Variants in THRB observed in about 807,000 individuals in gnomAD.
THRB encodes the protein thyroid hormone receptor beta, also known as nuclear receptor subfamily 1 group A member 2.
THRB carries 12 observed loss-of-function variants against 47.8 expected under a neutral mutation model. That is an observed-to-expected ratio of 0.25 (90% CI 0.16 to 0.41). The LOEUF (loss-of-function observed/expected upper bound fraction) is 0.41. Ranked by LOEUF, THRB falls within the 10% of genes least tolerant of loss-of-function variation. THRB has a pLI of 1.00. For missense variants in THRB, 348 were observed against 589.2 expected, an observed-to-expected ratio of 0.59 and a Z score of 4.24; for synonymous variants, 218 against 212.2, an observed-to-expected ratio of 1.03 and a Z score of -0.24.
chr3:24,236,067 C>G (rs1238532148), intron 3 of THRB, among the ~76,000 whole-genome samples: 1 of 152,126 alleles, frequency 6.6e-6, no homozygotes, highest in Non-Finnish European at 1.5e-5. Context: ...GGGCTGCACC[C>G]ATGCTAGGAG....
At chr3:24,352,826 G>C (rs2063437413) in intron 1 of THRB, among the ~76,000 whole-genome samples, 1 of 152,118 alleles carries the variant, frequency 6.6e-6, no homozygotes, top group Non-Finnish European at 1.5e-5. Context: ...ACTGGCTAGT[G>C]AAATTAAGAA....
chr3:24,185,169 G>A (rs2042410398), intron 5 of THRB, among the ~76,000 whole-genome samples: 1 of 152,076 alleles, frequency 6.6e-6, no homozygotes, highest in African/African-American at 2.4e-5. Context: ...TTGAGGACTG[G>A]TTTAATAAAG....
chr3:24,330,987 C>A (rs2061888262), intron 2 of THRB, among the ~76,000 whole-genome samples: 1 of 151,860 alleles, frequency 6.6e-6, no homozygotes, highest in African/African-American at 2.4e-5. Context: ...GGGATGTGTG[C>A]ACCTGCCAGT....
At chr3:24,324,213 A>G (rs1269039341) in intron 2 of THRB, among the ~76,000 whole-genome samples, 1 of 152,118 alleles carries the variant, frequency 6.6e-6, no homozygotes, top group Non-Finnish European at 1.5e-5. Context: ...GAGGTCATAG[A>G]AAGAAGTCAC....
At chr3:24,469,654 C>G (rs1403664472) in intron 1 of THRB, among the ~76,000 whole-genome samples, 1 of 152,172 alleles carries the variant, frequency 6.6e-6, no homozygotes, top group African/African-American at 2.4e-5. Flanking sequence ...AATCAAGCTA[C>G]ACTACAATGA....
At chr3:24,343,187 C>G (rs1267018654) in intron 1 of THRB, among the ~76,000 whole-genome samples, 3 of 151,686 alleles carry the variant, frequency 2.0e-5, no homozygotes, top group Non-Finnish European at 4.4e-5. Flanking sequence ...ATTCACAACC[C>G]TCCTTAAGTA....
rs186805900 is a variant in THRB, at chr3:24,178,074, T to G, written c.283+12000A>C. 1.4e-4 allele frequency among the ~76,000 whole-genome samples: 21 copies of G among 152,250 alleles called. No homozygotes were observed. In the East Asian group the frequency reaches 4.1e-3, roughly 29 times the overall value. ...CACAGGGGACAGAGAAACAAGTAAC[T>G]TTTTCTTCTGACATTCACCTTTAGA... On this transcript the variant is annotated intron_variant, in intron 5 of 10. Transcript: ENST00000646209.
intron 3 of THRB, among the ~76,000 whole-genome samples, chr3:24,272,575 T>G (rs844104): frequency 0.5 from 76,148 of 151,942 alleles, 19,619 homozygotes; most frequent in Middle Eastern, 0.6. Flanking sequence ...TTACCCTTAT[T>G]TGGGGGTACA....
intron 3 of THRB, among the ~76,000 whole-genome samples, chr3:24,234,070 A>T (rs2048621184): frequency 6.6e-6 from 1 of 152,198 alleles, no homozygotes; most frequent in Non-Finnish European, 1.5e-5. Context: ...ACAAGCTAAA[A>T]TCCTGCTGCA....
chr3:24,226,730 T>A (rs1469170251), intron 4 of THRB, among the ~76,000 whole-genome samples: 1 of 152,198 alleles, frequency 6.6e-6, no homozygotes, highest in Non-Finnish European at 1.5e-5. Context: ...AGAAGAGAAC[T>A]GCCTGGACCA....
At chr3:24,315,591 T>C (rs7610039) in intron 2 of THRB, among the ~76,000 whole-genome samples, 89,622 of 151,960 alleles carry the variant, frequency 0.59, 26,980 homozygotes, top group African/African-American at 0.69. Context: ...GAGCCAGTAT[T>C]GCAGCAGGAA....
intron 5 of THRB, among the ~76,000 whole-genome samples, chr3:24,187,485 C>T (rs1446003579): frequency 6.6e-6 from 1 of 152,122 alleles, no homozygotes; most frequent in Non-Finnish European, 1.5e-5. Flanking sequence ...CTATTTTGTT[C>T]GTATCATTTC....
chr3:24,231,970 A>G (rs7625900), intron 3 of THRB, among the ~76,000 whole-genome samples: 89,125 of 152,070 alleles, frequency 0.59, 26,589 homozygotes, highest in African/African-American at 0.68. Flanking sequence ...GGAGTTGTTG[A>G]GTTAGAAAGG....
chr3:24,165,273 C>T (rs547376124), intron 5 of THRB: 3 of 765,092 alleles, frequency 3.9e-6, no homozygotes, highest in African/African-American at 1.7e-5. Context: ...TCAAAATACG[C>T]GTAATAATCA....
intron 1 of THRB, among the ~76,000 whole-genome samples, chr3:24,442,307 G>A (rs2071608063): frequency 6.6e-6 from 1 of 152,196 alleles, no homozygotes; most frequent in African/African-American, 2.4e-5. Flanking sequence ...ACAATCGGAT[G>A]AGGAAACCAC....
At chr3:24,342,084 A>G (rs13085323) in intron 1 of THRB, among the ~76,000 whole-genome samples, 9 of 151,262 alleles carry the variant, frequency 5.9e-5, no homozygotes, top group Non-Finnish European at 1.2e-4. Flanking sequence ...ATTTGTTACT[A>G]TCCCTGGTAA....
At chr3:24,271,261 C>T (rs568028470) in intron 3 of THRB, among the ~76,000 whole-genome samples, 5 of 152,100 alleles carry the variant, frequency 3.3e-5, no homozygotes, top group Admixed American at 6.6e-5. Context: ...TGTATGCATG[C>T]GGCTTATGAA....
At chr3:24,142,069 G>T (rs1034461267) in intron 8 of THRB, among the ~76,000 whole-genome samples, 5 of 152,208 alleles carry the variant, frequency 3.3e-5, no homozygotes, top group African/African-American at 1.2e-4. Flanking sequence ...GAGGCTTTTT[G>T]GGTTTGTGCA....
chr3:24,387,393 C>A lies in THRB; in HGVS notation c.-260-50022G>T, dbSNP rs1244495454. Among the ~76,000 whole-genome samples the A allele has an allele frequency of 2.6e-5, 4 of 152,294 alleles. No individual in the cohort carries two copies. The East Asian group carries it at 7.7e-4, about 29-fold the overall frequency. On this transcript the variant is annotated intron_variant, in intron 1 of 10. Transcript: ENST00000646209. ...CCTTAACACATTATAACCTGACCCT[C>A]TCCAGCCCAGTTGGCATTACTTTGG... is the stretch of plus-strand genomic sequence containing the variant.
Sources: gnomAD v4.1 joint callset for allele counts (sites outside exome capture counted in the v4.1 genomes callset) on GRCh38, gnomAD v4.1.1 for gene constraint, MANE v1.5 for transcripts, NCBI Gene and HGNC (gene_info 2026-07-23, HGNC 2026-07-21) for gene names.